Variants in SLC35F4 observed in about 807,000 individuals in gnomAD.
SLC35F4 encodes the protein chromosome 14 open reading frame 36.
A neutral mutation model predicts 44.2 loss-of-function variants in SLC35F4; 24 were observed. The observed-to-expected ratio is 0.54, with a 90% CI of 0.39 to 0.76. The LOEUF (loss-of-function observed/expected upper bound fraction) is 0.76. SLC35F4 is among the 30% of genes least tolerant of loss of function. SLC35F4 has a pLI of 0.00. For missense variants in SLC35F4, 562 were observed against 586.1 expected, an observed-to-expected ratio of 0.96 and a Z score of 0.42; for synonymous variants, 238 against 223.6, an observed-to-expected ratio of 1.06 and a Z score of -0.57.
At chr14:57,717,016 ACAG>A (rs2075963551) in intron 1 of SLC35F4, among the ~76,000 whole-genome samples, 1 of 152,170 alleles carries the variant, frequency 6.6e-6, no homozygotes, top group African/African-American at 2.4e-5. Context: ...ACAGTGTCCT[ACAG>A]GCTCACCCAT....
At chr14:57,621,950 T>A (rs1343642982) in intron 1 of SLC35F4, among the ~76,000 whole-genome samples, 3 of 150,448 alleles carry the variant, frequency 2.0e-5, no homozygotes, top group Non-Finnish European at 4.4e-5. Context: ...GAATCTACAA[T>A]GAACTCAAAC....
chr14:57,759,117 T>G (rs111541134), intron 1 of SLC35F4, among the ~76,000 whole-genome samples: 1,945 of 152,346 alleles, frequency 0.013, 21 homozygotes, highest in Non-Finnish European at 0.018. Flanking sequence ...TATCATATTT[T>G]CTCTATTCAT....
intron 1 of SLC35F4, among the ~76,000 whole-genome samples, chr14:57,664,662 C>T (rs1159738795): frequency 2.0e-5 from 3 of 152,126 alleles, no homozygotes; most frequent in Admixed American, 2.0e-4. Context: ...CCACTTGCCT[C>T]GGCCTCCCAA....
At chr14:57,583,378 A>G (rs573273371) in intron 3 of SLC35F4, among the ~76,000 whole-genome samples, 1 of 151,080 alleles carries the variant, frequency 6.6e-6, no homozygotes, top group African/African-American at 2.4e-5. Flanking sequence ...TGCCTTTTAA[A>G]ATATGAACAC....
At chr14:57,866,957 AAAT>A (rs4035380), upstream of SLC35F4, among the ~76,000 whole-genome samples, 14,202 of 135,910 alleles carry the variant, frequency 0.1, 775 homozygotes, top group South Asian at 0.12. Context: ...AGCTTCCTGC[AAAT>A]AATAATAATA....
intron 1 of SLC35F4, among the ~76,000 whole-genome samples, chr14:57,668,811 G>C (rs538024300): frequency 6.6e-6 from 1 of 151,976 alleles, no homozygotes; most frequent in Non-Finnish European, 1.5e-5. Flanking sequence ...TTGGCGATGC[G>C]GGCTCTTTTT....
chr14:57,646,069 T>C (rs545604302), intron 1 of SLC35F4, among the ~76,000 whole-genome samples: 92 of 152,344 alleles, frequency 6.0e-4, no homozygotes, highest in African/African-American at 2.2e-3. Flanking sequence ...ATCAAGGATA[T>C]TGGCCTAAAA....
chr14:57,923,638 G>T (rs1594627494), intron 1 of SLC35F4, among the ~76,000 whole-genome samples: 1 of 152,142 alleles, frequency 6.6e-6, no homozygotes, highest in Non-Finnish European at 1.5e-5. Flanking sequence ...CCTTCTCAAT[G>T]CTTTTATTTC....
intron 1 of SLC35F4, among the ~76,000 whole-genome samples, chr14:57,736,302 T>C (rs1175716946): frequency 1.3e-5 from 2 of 152,176 alleles, no homozygotes; most frequent in African/African-American, 4.8e-5. Context: ...CAATAGAAGT[T>C]TGAGGAAGAA....
intron 1 of SLC35F4, among the ~76,000 whole-genome samples, chr14:57,903,922 A>T (rs1484059119): frequency 6.6e-6 from 1 of 152,218 alleles, no homozygotes; most frequent in Non-Finnish European, 1.5e-5. Context: ...CTGTCACTTG[A>T]CAAGAATTTC....
intron 1 of SLC35F4, chr14:57,603,898 A>T (rs2070991899): frequency 6.6e-6 from 1 of 152,222 alleles, no homozygotes; most frequent in African/African-American, 2.4e-5. Flanking sequence ...CTTCTCTATG[A>T]TGTCTTCACT....
intron 1 of SLC35F4, among the ~76,000 whole-genome samples, chr14:57,725,910 G>T (rs1002319644): frequency 5.3e-5 from 8 of 152,164 alleles, no homozygotes; most frequent in African/African-American, 1.9e-4. Context: ...TTTGCTTCCT[G>T]TTTTCACAAC....
chr14:57,660,516 T>C (rs2074103477), intron 1 of SLC35F4, among the ~76,000 whole-genome samples: 1 of 146,910 alleles, frequency 6.8e-6, no homozygotes, highest in African/African-American at 2.5e-5. Flanking sequence ...TTCATGCCCT[T>C]GTGTGGTCAC....
chr14:57,620,101 T>C (rs1029338130), intron 1 of SLC35F4, among the ~76,000 whole-genome samples: 2 of 152,142 alleles, frequency 1.3e-5, no homozygotes, highest in Non-Finnish European at 2.9e-5. Context: ...GAATGGAACC[T>C]AGTTGGAAAA....
In SLC35F4 at chr14:57,715,717, A is replaced by G. The variant is rs537578427; in HGVS notation, c.104-121593T>C. ...ATCTGGCACTTAGTAGATGTTCAGT[A>G]AATGTTGGATGATATTGCAGAGATG... On this transcript the variant is annotated intron_variant, in intron 1 of 7. Transcript: ENST00000556826. 7.0e-4 allele frequency among the ~76,000 whole-genome samples: 107 copies of G among 152,350 alleles called. 3 individuals are homozygous for G. The South Asian group carries it at 0.022, about 31-fold the overall frequency.
At chr14:57,683,857 ACTC>A (rs986725691) in intron 1 of SLC35F4, among the ~76,000 whole-genome samples, 53 of 151,886 alleles carry the variant, frequency 3.5e-4, no homozygotes, top group African/African-American at 1.2e-3. Context: ...CCCAAGCCCA[ACTC>A]CTCTGGGGTT....
chr14:57,981,174 GGTTTTCTGAACTGGTTTCTT>G (rs1352610925), intron 1 of SLC35F4, among the ~76,000 whole-genome samples: 3 of 152,154 alleles, frequency 2.0e-5, no homozygotes, highest in Non-Finnish European at 4.4e-5. Context: ...GCTGGTTTCT[GGTTTTCTGAACTGGTTTCTT>G]GTTTTCTGTC....
intron 1 of SLC35F4, among the ~76,000 whole-genome samples, chr14:57,613,820 C>T (rs1189798361): frequency 2.0e-5 from 3 of 152,218 alleles, no homozygotes; most frequent in Non-Finnish European, 4.4e-5. Context: ...AGTTATCTTT[C>T]CTCTCCAAGC....
intron 1 of SLC35F4, among the ~76,000 whole-genome samples, chr14:57,936,295 T>C (rs558876952): frequency 6.6e-6 from 1 of 152,198 alleles, no homozygotes. Context: ...AGGATAAGCC[T>C]ACAGAGATGG....
Sources: allele counts gnomAD v4.1 joint callset (sites outside exome capture counted in the v4.1 genomes callset), GRCh38; gene constraint gnomAD v4.1.1; transcripts MANE v1.5; gene names NCBI Gene and HGNC (gene_info 2026-07-23, HGNC 2026-07-21).